MGAT4C: variants seen among roughly 807,000 people sequenced by gnomAD.
MGAT4C encodes the protein alpha-1,3-mannosyl-glycoprotein 4-beta-N-acetylglucosaminyltransferase C.
Under a neutral mutation model 40.1 loss-of-function variants are expected in MGAT4C, and 19 were observed. The ratio of observed to expected loss-of-function variants is 0.47; its 90% CI spans 0.33 to 0.70. The LOEUF (loss-of-function observed/expected upper bound fraction) is 0.70, where lower values mean the gene tolerates loss of function less well. Ranked by LOEUF, MGAT4C falls within the 30% of genes least tolerant of loss-of-function variation. MGAT4C has a pLI of 0.02. For missense variants in MGAT4C, 491 were observed against 563.2 expected (o/e 0.87, Z 1.30); for synonymous variants, 181 against 187.1 (o/e 0.97, Z 0.27).
chr12:86,030,033 T>G (rs541310228), intron 2 of MGAT4C, among the ~76,000 whole-genome samples: 2 of 151,698 alleles, frequency 1.3e-5, no homozygotes, highest in African/African-American at 2.4e-5. Context: ...TCAAACACAT[T>G]TTTTTTCCTG....
chr12:86,502,848 A>ATG (rs1958380947), intron 2 of MGAT4C, among the ~76,000 whole-genome samples: 1 of 95,996 alleles, frequency 1.0e-5, no homozygotes, highest in Non-Finnish European at 2.0e-5. Flanking sequence ...GCTCATATAT[A>ATG]TATATGAGTT....
intron 1 of MGAT4C, among the ~76,000 whole-genome samples, chr12:86,789,716 T>C (rs1016232425): frequency 6.6e-6 from 1 of 152,140 alleles, no homozygotes; most frequent in African/African-American, 2.4e-5. Context: ...TTTATAACAA[T>C]ATAATTGTGT....
chr12:86,418,693 G>A (rs1956766850), intron 3 of MGAT4C, among the ~76,000 whole-genome samples: 1 of 152,042 alleles, frequency 6.6e-6, no homozygotes, highest in African/African-American at 2.4e-5. Flanking sequence ...TGCATATTTA[G>A]AGAATATTGC....
chr12:86,212,017 T>C (rs1950489577), intron 1 of MGAT4C, among the ~76,000 whole-genome samples: 1 of 152,160 alleles, frequency 6.6e-6, no homozygotes, highest in Non-Finnish European at 1.5e-5. Context: ...AAGAAAAATA[T>C]CTTATGCTAC....
intron 2 of MGAT4C, among the ~76,000 whole-genome samples, chr12:86,446,160 A>T (rs1402804648): frequency 5.9e-5 from 9 of 152,128 alleles, no homozygotes; most frequent in Admixed American, 5.9e-4. Context: ...TGTTCTTTAG[A>T]ACATATTATT....
chr12:86,060,806 A>G (rs1030003722), intron 1 of MGAT4C, among the ~76,000 whole-genome samples: 2 of 152,148 alleles, frequency 1.3e-5, no homozygotes, highest in South Asian at 2.1e-4. Flanking sequence ...GTTTGAAGAA[A>G]AATCATAAGA....
intron 1 of MGAT4C, among the ~76,000 whole-genome samples, chr12:86,205,382 C>G (rs986436779): frequency 1.3e-5 from 2 of 151,060 alleles, no homozygotes; most frequent in African/African-American, 4.8e-5. Context: ...TAAAATTCCC[C>G]CTTGAAAAAT....
chr12:86,442,964 A>G (rs1417133030), intron 2 of MGAT4C, among the ~76,000 whole-genome samples: 1 of 152,094 alleles, frequency 6.6e-6, no homozygotes, highest in East Asian at 1.9e-4. Context: ...TCAAGTTTTT[A>G]GCGATAAGGT....
At chr12:86,280,843 A>G (rs1199349510) in intron 4 of MGAT4C, among the ~76,000 whole-genome samples, 1 of 151,866 alleles carries the variant, frequency 6.6e-6, no homozygotes, top group Non-Finnish European at 1.5e-5. Context: ...CAAAGTACAT[A>G]TTTTATCTTA....
At chr12:85,992,396 T>C (rs1203053850) in intron 2 of MGAT4C, among the ~76,000 whole-genome samples, 2 of 152,228 alleles carry the variant, frequency 1.3e-5, no homozygotes, top group African/African-American at 4.8e-5. Flanking sequence ...CACCTTGGTG[T>C]TATCCAAAGG....
intron 4 of MGAT4C, among the ~76,000 whole-genome samples, chr12:86,277,447 C>T (rs1022151880): frequency 1.3e-5 from 2 of 152,126 alleles, no homozygotes; most frequent in Non-Finnish European, 2.9e-5. Flanking sequence ...GCTTGTGGGG[C>T]ATTACTCAAG....
chr12:86,506,963 C>G (rs1331796476), intron 2 of MGAT4C, among the ~76,000 whole-genome samples: 1 of 151,972 alleles, frequency 6.6e-6, no homozygotes, highest in Non-Finnish European at 1.5e-5. Flanking sequence ...TGTTATTGAC[C>G]AGGATTGTGA....
intron 2 of MGAT4C, among the ~76,000 whole-genome samples, chr12:86,470,216 T>C (rs1957738813): frequency 6.6e-6 from 1 of 152,178 alleles, no homozygotes; most frequent in Non-Finnish European, 1.5e-5. Flanking sequence ...AGAACTCTAA[T>C]TTACAGTCTT....
At position 86,565,360 on chromosome 12, in the gene MGAT4C, TCAGTTGA is replaced by T. The variant is rs562586459; in HGVS notation, c.-228-130102_-228-130096del. On this transcript the variant is annotated intron_variant, in intron 2 of 7. Transcript: ENST00000548651. ...TGGCCTCATGGGAAGTTCCCTATGA[TCAGTTGA>T]CAGAGGAAGGAAAGACTAGGGCCTG... 7.8e-3 allele frequency among the ~76,000 whole-genome samples: 1,186 copies of T among 152,232 alleles called. 8 individuals are homozygous for T. The highest frequency in any genetic ancestry group is 0.015 in the South Asian group (72 of 4,822).
At chr12:86,659,233 G>A (rs530677051) in intron 2 of MGAT4C, among the ~76,000 whole-genome samples, 1 of 151,684 alleles carries the variant, frequency 6.6e-6, no homozygotes, top group African/African-American at 2.4e-5. Context: ...GGGAATCTAA[G>A]CTCCATATTT....
intron 2 of MGAT4C, among the ~76,000 whole-genome samples, chr12:86,632,721 C>T (rs533308760): frequency 4.9e-5 from 7 of 143,644 alleles, no homozygotes; most frequent in African/African-American, 1.6e-4. Flanking sequence ...AACAGTTGGA[C>T]ACAGGGTGTG....
intron 1 of MGAT4C, among the ~76,000 whole-genome samples, chr12:86,173,106 A>C (rs528054107): frequency 6.6e-6 from 1 of 152,242 alleles, no homozygotes; most frequent in South Asian, 2.1e-4. Context: ...AGGCTGGGCT[A>C]AATTGTGATC....
intron 2 of MGAT4C, among the ~76,000 whole-genome samples, chr12:86,003,502 C>T (rs1164890988): frequency 6.6e-6 from 1 of 152,078 alleles, no homozygotes; most frequent in Non-Finnish European, 1.5e-5. Flanking sequence ...GTGTGTTTAA[C>T]TTCTTTGGTT....
At chr12:86,385,706 C>A (rs1482145350) in intron 3 of MGAT4C, among the ~76,000 whole-genome samples, 1 of 152,124 alleles carries the variant, frequency 6.6e-6, no homozygotes, top group African/African-American at 2.4e-5. Context: ...TCAACTGTTG[C>A]TCTTCCTGCC....
Sources: allele counts gnomAD v4.1 joint callset (sites outside exome capture counted in the v4.1 genomes callset), GRCh38; gene constraint gnomAD v4.1.1; transcripts MANE v1.5; gene names NCBI Gene and HGNC (gene_info 2026-07-23, HGNC 2026-07-21).